The following PATJ variants were observed in gnomAD, a reference collection of about 807,000 sequenced individuals.
The protein encoded by PATJ is PATJ crumbs cell polarity complex component.
A neutral mutation model predicts 224.9 loss-of-function variants in PATJ; 190 were observed. The observed-to-expected ratio is 0.84, with a 90% CI of 0.75 to 0.95. The LOEUF (loss-of-function observed/expected upper bound fraction) is 0.95, where lower values mean the gene tolerates loss of function less well. Ranked by LOEUF, PATJ falls within the 40% of genes least tolerant of loss-of-function variation. The pLI, the probability that PATJ is intolerant of heterozygous loss-of-function variation, is 0.00. For synonymous variants in PATJ, 769 were observed against 820.3 expected, an observed-to-expected ratio of 0.94 and a Z score of 1.07; for missense variants, 2,121 against 2,270.3, an observed-to-expected ratio of 0.93 and a Z score of 1.34.
At chr1:61,970,953 C>G (rs1455031497) in intron 27 of PATJ, among the ~76,000 whole-genome samples, 2 of 152,228 alleles carry the variant, frequency 1.3e-5, no homozygotes, top group Non-Finnish European at 2.9e-5. Context: ...ATTATGTTTC[C>G]TTTCTCACAA....
chr1:61,902,227 A>G (rs201536134), intron 24 of PATJ, among the ~76,000 whole-genome samples: 1 of 8,932 alleles, frequency 1.1e-4, no homozygotes, highest in African/African-American at 3.0e-4. Context: ...TCAAAGCAGG[A>G]AAAAAAAAAA....
intron 27 of PATJ, among the ~76,000 whole-genome samples, chr1:61,987,187 T>G (rs1195625929): frequency 2.0e-5 from 3 of 152,114 alleles, no homozygotes; most frequent in Non-Finnish European, 4.4e-5. Context: ...ATAATTTTTT[T>G]GTTTTATTGC....
chr1:61,810,857 G>A (rs1654618357), intron 14 of PATJ, among the ~76,000 whole-genome samples: 1 of 151,994 alleles, frequency 6.6e-6, no homozygotes, highest in Non-Finnish European at 1.5e-5. Context: ...CCGGGAGGCG[G>A]ATGTTGCAAT....
intron 7 of PATJ, among the ~76,000 whole-genome samples, chr1:61,784,783 C>G (rs1232611918): frequency 2.0e-5 from 3 of 152,194 alleles, no homozygotes; most frequent in African/African-American, 7.2e-5. Flanking sequence ...TATGTTGTTT[C>G]AAGTCTGTTG....
chr1:61,957,724 T>G (rs1349693496), intron 27 of PATJ, among the ~76,000 whole-genome samples: 1 of 152,158 alleles, frequency 6.6e-6, no homozygotes, highest in Non-Finnish European at 1.5e-5. Flanking sequence ...AAACCAGAGT[T>G]GAATAATTGC....
intron 16 of PATJ, among the ~76,000 whole-genome samples, chr1:61,827,868 A>G (rs1658551898): frequency 6.6e-6 from 1 of 152,174 alleles, no homozygotes; most frequent in African/African-American, 2.4e-5. Context: ...TTTGGCTTCT[A>G]GTTCAACGCA....
At chr1:61,747,286 A>G (rs1645069880) in intron 1 of PATJ, among the ~76,000 whole-genome samples, 1 of 152,160 alleles carries the variant, frequency 6.6e-6, no homozygotes, top group African/African-American at 2.4e-5. Flanking sequence ...GTGCCTGTCA[A>G]TACCCTTCCT....
chr1:61,901,306 T>C lies in PATJ; in HGVS notation c.3228T>C (p.Asn1076=). Residue 1076 remains asparagine, a synonymous_variant, in exon 24 of 44, where the codon AAT becomes AAC. Coordinates refer to ENST00000642238, the MANE Select transcript of PATJ (RefSeq NM_001350145.3). ...GTGTTGAGATTTTTAGAGAACCCAA[T>C]GTGTCTCTTGGGATCAGTATTGTTG... ...PRIVEIFREP[N]VSLGISIVGG... The C allele has an allele frequency of 1.3e-6, 2 of 1,537,910 alleles. No homozygotes were observed. Among genetic ancestry groups the C allele is most frequent in the Admixed American group, 5.1e-5 (2 of 39,178 alleles).
intron 1 of PATJ, among the ~76,000 whole-genome samples, chr1:61,752,596 G>T (rs1645400129): frequency 6.6e-6 from 1 of 152,120 alleles, no homozygotes; most frequent in Non-Finnish European, 1.5e-5. Flanking sequence ...GAAGTGCTGG[G>T]ATTACAGGGG....
intron 41 of PATJ, among the ~76,000 whole-genome samples, chr1:62,142,929 G>A (rs1434294177): frequency 6.6e-6 from 1 of 152,192 alleles, no homozygotes; most frequent in Non-Finnish European, 1.5e-5. Context: ...AAGGTTTTAA[G>A]CAGGGGAGTG....
At chr1:61,775,754 G>A (rs1646878849) in intron 7 of PATJ, among the ~76,000 whole-genome samples, 1 of 151,974 alleles carries the variant, frequency 6.6e-6, no homozygotes, top group South Asian at 2.1e-4. Context: ...TAAAATTTAT[G>A]GTCTTATAAG....
chr1:62,018,075 G>C lies in PATJ; in HGVS notation c.3959+128G>C. On this transcript the variant is annotated intron_variant, in intron 29 of 43. Transcript: ENST00000642238. This position sits in a 1 kb window ranked among gnomAD's most constrained non-coding sequence, Gnocchi z 4.2. ...CCTTCTAAAAACATATATTCCTTTT[G>C]TAACTGTCACTTCAAGAAAAGTATT... The C allele has an allele frequency of 1.8e-6, 1 of 541,406 alleles. No homozygotes were observed. The highest frequency in any genetic ancestry group is 2.8e-5 in the East Asian group (1 of 35,372). 33.5% of individuals were successfully genotyped at this position (541,406 alleles called of 1,614,324 possible).
At chr1:61,751,554 A>G (rs1454971515) in intron 1 of PATJ, among the ~76,000 whole-genome samples, 1 of 151,120 alleles carries the variant, frequency 6.6e-6, no homozygotes, top group Non-Finnish European at 1.5e-5. Context: ...GACTGGGTGC[A>G]TTGTCTCTAG....
intron 31 of PATJ, among the ~76,000 whole-genome samples, chr1:62,065,064 G>GGT (rs1656183263): frequency 6.6e-6 from 1 of 152,068 alleles, no homozygotes; most frequent in African/African-American, 2.4e-5. Flanking sequence ...TTTATCTCTT[G>GGT]TATTCCTGAA....
rs538295989 is a variant in PATJ at position 62,084,457 on chromosome 1, G to A, written c.4244-58G>A. On this transcript the variant is annotated intron_variant, in intron 32 of 43. Transcript: ENST00000642238. ...CCCCACACTCCCCACGTGATGGAAC[G>A]TGCAGGCTGAGCTGCAGCTCTTACA... 75 of 1,558,178 alleles carry A rather than the reference G, an allele frequency of 4.8e-5. No individual in the cohort carries two copies. In the Middle Eastern group the frequency reaches 7.0e-4, roughly 14 times the overall value.
chr1:61,922,709 G>A (rs959361108), intron 26 of PATJ, among the ~76,000 whole-genome samples: 3 of 152,166 alleles, frequency 2.0e-5, no homozygotes, highest in African/African-American at 7.2e-5. Flanking sequence ...GTTAAGAAGG[G>A]TTCTTCTGAA....
intron 16 of PATJ, 48 bp downstream of exon 16, chr1:61,827,631 A>G: frequency 5.1e-6 from 8 of 1,564,036 alleles, no homozygotes; most frequent in Non-Finnish European, 7.0e-6. Context: ...CCATTCATCA[A>G]AGATGCCCCG....
intron 43 of PATJ, among the ~76,000 whole-genome samples, chr1:62,154,272 G>T (rs1180709777): frequency 6.6e-6 from 1 of 152,038 alleles, no homozygotes; most frequent in Non-Finnish European, 1.5e-5. Context: ...TCTCTGAGAA[G>T]TATTTCAAAT....
intron 15 of PATJ, among the ~76,000 whole-genome samples, chr1:61,826,225 CAG>C (rs1658227645): frequency 6.6e-6 from 1 of 152,130 alleles, no homozygotes; most frequent in Non-Finnish European, 1.5e-5. Flanking sequence ...GAGTGGTTCC[CAG>C]GAATAGTGGA....
Sources: allele counts gnomAD v4.1 joint callset (sites outside exome capture counted in the v4.1 genomes callset), GRCh38; gene constraint gnomAD v4.1.1; non-coding constraint Gnocchi (gnomAD v3.1); transcripts MANE v1.5; gene names NCBI Gene and HGNC (gene_info 2026-07-23, HGNC 2026-07-21).